Variants in ABCG1 observed in about 807,000 individuals in gnomAD.
ABCG1 encodes ATP-binding cassette sub-family G member 1.
In ABCG1, 29 loss-of-function variants were observed where a neutral mutation model predicts 69.2. That is an observed-to-expected ratio of 0.42 (90% confidence interval 0.31 to 0.57). The LOEUF (loss-of-function observed/expected upper bound fraction) is 0.57. Among genes scored for constraint, ABCG1 ranks in the 20% least tolerant of loss-of-function variants. The probability of loss-of-function intolerance (pLI) is 0.15; values close to 1 mark genes in which losing one functional copy is unlikely to be tolerated. For missense variants in ABCG1, 718 were observed against 898.1 expected (o/e 0.80, Z 2.56); for synonymous variants, 370 against 374.8 (o/e 0.99, Z 0.15).
chr21:42,279,131 C>T (rs1258413978), intron 5 of ABCG1, among the ~76,000 whole-genome samples: 2 of 152,086 alleles, frequency 1.3e-5, no homozygotes, highest in African/African-American at 2.4e-5. Context: ...GATAGCCCTC[C>T]ATCGAGGTCC....
chr21:42,271,359 G>C (rs482303), intron 3 of ABCG1, among the ~76,000 whole-genome samples, 172 bp downstream of exon 3: 19,431 of 152,196 alleles, frequency 0.13, 1,687 homozygotes, highest in African/African-American at 0.24. Flanking sequence ...CCATATGATG[G>C]GTGGAGAGCC....
Position 42,225,712 on chromosome 21 carries a change from G to A in ABCG1, c.84G>A (p.Ser28=), listed in dbSNP as rs751989691. ...SYSAEMTEPK[S]VCVSVDEVVS... is the part of the protein sequence containing the mutation. ...CTGCAGAGATGACGGAGCCCAAGTC[G>A]GTGTGTGTCTCGGTGGATGAGGTGG... Residue 28 remains serine (S), a synonymous_variant, in exon 2 of 15, where the codon TCG becomes TCA. Coordinates refer to ENST00000398449, the MANE Select transcript of ABCG1 (RefSeq NM_016818.3). 13 of 1,613,676 alleles carry A rather than the reference G, an allele frequency of 8.1e-6. No individual in the cohort carries two copies. Among genetic ancestry groups the A allele is most frequent in the Middle Eastern group, 1.6e-4 (1 of 6,082 alleles).
chr21:42,237,685 A>G (rs2067997044), intron 2 of ABCG1, among the ~76,000 whole-genome samples: 1 of 152,232 alleles, frequency 6.6e-6, no homozygotes, highest in Admixed American at 6.5e-5. Flanking sequence ...ACAGCTTGGT[A>G]GAGAGGAGAA....
upstream of ABCG1, among the ~76,000 whole-genome samples, chr21:42,214,087 C>T (rs2067615094): frequency 6.6e-6 from 1 of 152,212 alleles, no homozygotes; most frequent in Non-Finnish European, 1.5e-5. Flanking sequence ...GGGTGGAATG[C>T]TATGGTCTGA....
intron 2 of ABCG1, among the ~76,000 whole-genome samples, chr21:42,247,999 G>T (rs1269865687): frequency 6.6e-6 from 1 of 152,132 alleles, no homozygotes; most frequent in South Asian, 2.1e-4. Flanking sequence ...CGGTGAGACG[G>T]CACATTTTGT....
At chr21:42,293,500 T>C (rs111067089) in intron 13 of ABCG1, among the ~76,000 whole-genome samples, 77,372 of 106,422 alleles carry the variant, frequency 0.73, 26,383 homozygotes, top group African/African-American at 0.75. Context: ...TACACACACA[T>C]CACACTACAC....
At position 42,219,590 on chromosome 21, in the gene ABCG1, T is replaced by G. The variant is rs1163265343; in HGVS notation, c.42+286T>G. Among the ~76,000 whole-genome samples the G allele has an allele frequency of 6.7e-6, 1 of 148,888 alleles. No homozygotes were observed. The highest frequency in any genetic ancestry group is 1.5e-5 in the Non-Finnish European group (1 of 67,092). Reference sequence around the variant, plus strand: ...CGAGTTGCCCTACAAGTTGGACCGATGGCCTTGACCTGATGGCTTCTGGGC... The same window carrying G: ...CGAGTTGCCCTACAAGTTGGACCGAGGGCCTTGACCTGATGGCTTCTGGGC... On this transcript the variant is annotated intron_variant, in intron 1 of 14. Transcript: ENST00000398449. This position sits in a 1 kb window ranked among gnomAD's most constrained non-coding sequence, Gnocchi z 5.3.
intron 2 of ABCG1, among the ~76,000 whole-genome samples, chr21:42,237,548 C>A (rs1280486699): frequency 6.6e-6 from 1 of 152,216 alleles, no homozygotes; most frequent in Non-Finnish European, 1.5e-5. Context: ...CTCTTCTGAG[C>A]TTCCAAAATT....
intron 10 of ABCG1, 152 bp from the exon 11 acceptor site, chr21:42,289,898 G>A (rs1020225844): frequency 1.3e-6 from 1 of 795,134 alleles, no homozygotes; most frequent in Non-Finnish European, 2.0e-6. Context: ...TTAGGGTTTG[G>A]CTTGTTTCTC....
intron 2 of ABCG1, among the ~76,000 whole-genome samples, chr21:42,267,616 G>GTCTGGGTTCTTTCTGGGTCTGA: frequency 6.7e-6 from 1 of 149,496 alleles, no homozygotes; most frequent in African/African-American, 2.5e-5. Context: ...TCTGGGTGTG[G>GTCTGGGTTCTTTCTGGGTCTGA]TCTGGGTTCT....
intron 6 of ABCG1, among the ~76,000 whole-genome samples, chr21:42,283,418 G>A (rs1001914348): frequency 5.3e-5 from 8 of 152,232 alleles, no homozygotes; most frequent in Non-Finnish European, 2.9e-5. Flanking sequence ...TTGAGGGGAT[G>A]AGAGCAGGAG....
chr21:42,227,471 T>C (rs1479477307), intron 2 of ABCG1, among the ~76,000 whole-genome samples: 3 of 152,228 alleles, frequency 2.0e-5, no homozygotes, highest in Non-Finnish European at 4.4e-5. Context: ...CTGTTATGTG[T>C]GGCCTTGGAA....
chr21:42,241,961 G>C (rs1209747250), intron 2 of ABCG1, among the ~76,000 whole-genome samples: 4 of 129,020 alleles, frequency 3.1e-5, no homozygotes, highest in Admixed American at 8.7e-5. Flanking sequence ...CTGGACAACA[G>C]AGCAAGACCC....
intron 2 of ABCG1, chr21:42,259,473 GTCA>G (rs1335306604): frequency 1.3e-6 from 2 of 1,548,694 alleles, no homozygotes; most frequent in East Asian, 4.9e-5. Flanking sequence ...CTCAAGCATT[GTCA>G]TCATGCCCCC....
chr21:42,277,197 G>A (rs1221102669), intron 5 of ABCG1, among the ~76,000 whole-genome samples: 5 of 152,124 alleles, frequency 3.3e-5, no homozygotes. Flanking sequence ...GTAATGTGAG[G>A]GACAACAGAC....
In ABCG1 at chr21:42,248,724, C is replaced by T. The variant is rs372360387; in HGVS notation, c.287-22346C>T. Among the ~76,000 whole-genome samples, 14 of 148,900 alleles carry T rather than the reference C, an allele frequency of 9.4e-5. 1 individual carries two copies. The highest frequency in any genetic ancestry group is 2.0e-4 in the Admixed American group (3 of 14,982). ...GCAACATGGCGAAACCCTGCCTCTG[C>T]AAAATAAAAAAATTTAAAAAATTAA... On this transcript the variant is annotated intron_variant, in intron 2 of 14. Transcript: ENST00000398449.
At chr21:42,205,391 G>A (rs956404196) in intron 2 of ABCG1, among the ~76,000 whole-genome samples, 6 of 152,090 alleles carry the variant, frequency 3.9e-5, no homozygotes, top group African/African-American at 1.4e-4. Flanking sequence ...CTGAGGTCAG[G>A]AATTCAAGAC....
At chr21:42,293,869 ACCACACCACACACCACACACT>A (rs1180103847) in intron 13 of ABCG1, among the ~76,000 whole-genome samples, 2 of 132,872 alleles carry the variant, frequency 1.5e-5, no homozygotes, top group Non-Finnish European at 3.3e-5. Flanking sequence ...CACACTACAC[ACCACACCACACACCACACACT>A]CCACACCACA....
In ABCG1 at chr21:42,288,278, T is replaced by C; in HGVS notation, c.1190T>C (p.Phe397Ser). The change falls in exon 10 of 15, where the codon TTC (phenylalanine) becomes TCC (serine). Residue 397 changes from phenylalanine to serine, a missense_variant. Phe to Ser is a radical substitution (Grantham distance 155). Transcript: ENST00000398449. This position sits in a 1 kb window ranked among gnomAD's most constrained non-coding sequence, Gnocchi z 4.8. ...ASCLTQFCIL[F>S]KRTFLSIMRD... ...TGCCTCACGCAGTTCTGCATCCTCT[T>C]CAAGAGGACCTTCCTCAGCATCATG... The C allele has an allele frequency of 2.5e-6, 4 of 1,613,580 alleles. No individual in the cohort carries two copies. The highest frequency in any genetic ancestry group is 3.4e-6 in the Non-Finnish European group (4 of 1,179,558).
Sources: allele counts gnomAD v4.1 joint callset (sites outside exome capture counted in the v4.1 genomes callset), GRCh38; gene constraint gnomAD v4.1.1; non-coding constraint Gnocchi (gnomAD v3.1); transcripts MANE v1.5; gene names NCBI Gene and HGNC (gene_info 2026-07-23, HGNC 2026-07-21).